The following PELO variants were observed in gnomAD, a reference collection of about 807,000 sequenced individuals.
The protein encoded by PELO is pelota mRNA surveillance and ribosome rescue factor, also known as protein pelota homolog.
In PELO, 19 loss-of-function variants were observed where a neutral mutation model predicts 25.9. The ratio of observed to expected loss-of-function variants is 0.73; its 90% CI spans 0.51 to 1.08. The LOEUF (loss-of-function observed/expected upper bound fraction) is 1.08, where lower values mean the gene tolerates loss of function less well. Among genes scored for constraint, PELO ranks in the 50% least tolerant of loss-of-function variants. PELO has a pLI of 0.00. For synonymous variants in PELO, 196 were observed against 192.2 expected (o/e 1.02, Z -0.16); for missense variants, 498 against 491.4 (o/e 1.01, Z -0.13).
chr5:52,800,904 A>G lies in PELO; in HGVS notation c.510A>G (p.Lys170=). Residue 170 remains lysine, a synonymous_variant, in exon 2 of 3, where the codon AAA becomes AAG. Transcript: ENST00000274311. The part of the protein sequence containing the change: ...RAKVEVNIPR[K]RKGNCSQHDR... ...AGGTGGAGGTGAACATCCCTAGGAA[A>G]AGGAAAGGCAATTGCTCTCAGCATG... 1 of 1,613,890 alleles carries G rather than the reference A, an allele frequency of 6.2e-7. No homozygotes were observed. The highest frequency in any genetic ancestry group is 8.5e-7 in the Non-Finnish European group (1 of 1,179,858).
At chr5:52,794,163 A>G (rs977466124) in intron 1 of PELO, among the ~76,000 whole-genome samples, 2 of 152,012 alleles carry the variant, frequency 1.3e-5, no homozygotes, top group African/African-American at 4.8e-5. Flanking sequence ...TAATTCAAAT[A>G]TGCAAAGGAG....
chr5:52,795,706 C>G (rs935155577), intron 1 of PELO, among the ~76,000 whole-genome samples: 5 of 151,866 alleles, frequency 3.3e-5, no homozygotes, highest in Admixed American at 6.6e-5. Context: ...CTTGTTTTGT[C>G]TGATCCAGTT....
chr5:52,792,437 G>A (rs115018790), intron 1 of PELO, among the ~76,000 whole-genome samples: 4,415 of 152,280 alleles, frequency 0.029, 76 homozygotes, highest in Non-Finnish European at 0.037. Flanking sequence ...TTAGTAAACA[G>A]GCAATGAGAG....
chr5:52,801,375 T>C, intron 2 of PELO, 34 bp from the exon 3 acceptor site: 1 of 1,551,972 alleles, frequency 6.4e-7, no homozygotes, highest in Non-Finnish European at 8.8e-7. Flanking sequence ...TTCTAGGAGA[T>C]TATTTTGCCT....
chr5:52,797,234 A>T (rs1170404864), intron 1 of PELO, among the ~76,000 whole-genome samples: 1 of 152,074 alleles, frequency 6.6e-6, no homozygotes, highest in Non-Finnish European at 1.5e-5. Flanking sequence ...CAGTAATTCT[A>T]TGAAAGATTT....
At position 52,802,884 on chromosome 5, in the gene PELO, A is replaced by G. The variant is rs1243265909; in HGVS notation, c.*1044A>G. ...TACTATCATTGACTTAAACTCTGAT[A>G]CTCTTTACTATAATTATGGAATTGT... On this transcript the variant is annotated 3_prime_UTR_variant, in exon 3 of 3. Transcript: ENST00000274311. 6.6e-6 allele frequency: 1 copy of G among 152,042 alleles called. No homozygotes were observed. The highest frequency in any genetic ancestry group is 1.5e-5 in the Non-Finnish European group (1 of 68,012). The allele number at this position is 152,042 out of a possible 1,614,324, so 9.4% of individuals were successfully genotyped here.
chr5:52,796,747 A>G (rs749389175), intron 1 of PELO, among the ~76,000 whole-genome samples: 56 of 152,120 alleles, frequency 3.7e-4, no homozygotes, highest in Non-Finnish European at 6.8e-4. Flanking sequence ...GAGTATAAAG[A>G]TAAATCCTTC....
intron 1 of PELO, among the ~76,000 whole-genome samples, chr5:52,797,189 A>G (rs1360166875): frequency 6.6e-6 from 1 of 152,120 alleles, no homozygotes; most frequent in Non-Finnish European, 1.5e-5. Flanking sequence ...AGGAAAAAAA[A>G]AAGTTCCCAA....
chr5:52,799,217 T>C (rs1748404522), intron 1 of PELO, among the ~76,000 whole-genome samples: 1 of 152,192 alleles, frequency 6.6e-6, no homozygotes, highest in Admixed American at 6.5e-5. Context: ...AAAGAGGCAA[T>C]CCCACTTCTC....
intron 1 of PELO, among the ~76,000 whole-genome samples, chr5:52,797,931 C>T (rs1748376825): frequency 1.3e-5 from 2 of 152,170 alleles, no homozygotes; most frequent in Non-Finnish European, 2.9e-5. Context: ...GATTCTGTGG[C>T]TTTTAATCTT....
rs1299682068 is a variant in PELO at position 52,801,707 on chromosome 5, C to G, written c.1025C>G (p.Thr342Ser). ...LVDSVKENAG[T>S]VRIFSSLHVS... Reference sequence around the variant, plus strand: ...GACAGTGTGAAAGAGAATGCAGGCACCGTTAGGATATTCTCTAGTCTTCAC... The same window carrying G: ...GACAGTGTGAAAGAGAATGCAGGCAGCGTTAGGATATTCTCTAGTCTTCAC... Residue 342 changes from threonine (T) to serine (S), a missense_variant, in exon 3 of 3, where the codon ACC (threonine) becomes AGC (serine). Transcript: ENST00000274311. The G allele has an allele frequency of 6.2e-7, 1 of 1,614,116 alleles. No individual in the cohort carries two copies. The highest frequency in any genetic ancestry group is 1.7e-5 in the Admixed American group (1 of 60,016).
Position 52,802,053 on chromosome 5 carries a change from G to C in PELO, c.*213G>C. 2.1e-6 allele frequency: 1 copy of C among 471,626 alleles called. No homozygotes were observed. Among genetic ancestry groups the C allele is most frequent in the Non-Finnish European group, 3.8e-6 (1 of 265,556 alleles). The allele number at this position is 471,626 out of a possible 1,614,324, so 29.2% of individuals were successfully genotyped here. A position where few individuals can be genotyped will look rare whatever the true frequency, so the allele number is the denominator to read the frequency against. ...AATAATCTCCACGTACTACCATCTT[G>C]ATTAAATTGTGTAATTTTTTATAGG... On this transcript the variant is annotated 3_prime_UTR_variant, in exon 3 of 3. Coordinates refer to ENST00000274311, the MANE Select transcript of PELO (RefSeq NM_015946.5).
At position 52,801,726 on chromosome 5, in the gene PELO, T is replaced by G; in HGVS notation, c.1044T>G (p.Ser348Arg). ...ENAGTVRIFS[S>R]LHVSGEQLSQ... Reference sequence around the variant, plus strand: ...CAGGCACCGTTAGGATATTCTCTAGTCTTCACGTTTCTGGGGAACAGCTCA... The same window carrying G: ...CAGGCACCGTTAGGATATTCTCTAGGCTTCACGTTTCTGGGGAACAGCTCA... The change falls in exon 3 of 3, where the codon AGT (serine) becomes AGG (arginine). Residue 348 changes from serine to arginine, a missense_variant. Ser to Arg is a moderately radical substitution (Grantham distance 110). Coordinates refer to ENST00000274311, the MANE Select transcript of PELO (RefSeq NM_015946.5). 6.2e-7 allele frequency: 1 copy of G among 1,614,056 alleles called. No individual in the cohort carries two copies. The highest frequency in any genetic ancestry group is 8.5e-7 in the Non-Finnish European group (1 of 1,179,918).
At chr5:52,788,669 G>A (rs1002941302) in intron 1 of PELO, among the ~76,000 whole-genome samples, 1 of 152,158 alleles carries the variant, frequency 6.6e-6, no homozygotes, top group African/African-American at 2.4e-5. Flanking sequence ...AACCTTAGAA[G>A]GTAGAATTCA....
intron 1 of PELO, among the ~76,000 whole-genome samples, chr5:52,794,997 C>T (rs1315947121): frequency 6.6e-6 from 1 of 151,916 alleles, no homozygotes; most frequent in African/African-American, 2.4e-5. Context: ...ACGGCTATCT[C>T]AAATATTGAA....
At chr5:52,801,326 G>A in intron 2 of PELO, 83 bp from the exon 3 acceptor site, 3 of 1,245,138 alleles carry the variant, frequency 2.4e-6, no homozygotes, top group Non-Finnish European at 3.4e-6. Flanking sequence ...CCTTACTAGC[G>A]CTTTTGGCTT....
chr5:52,788,062 T>C lies in PELO; in HGVS notation c.-863T>C, dbSNP rs1748156873. Reference sequence around the variant, plus strand: ...CCGCGAAGCTGGCTTTATTTGTCCATGTCTCGGACAGAGCCTGGGAAGCTG... The same window carrying C: ...CCGCGAAGCTGGCTTTATTTGTCCACGTCTCGGACAGAGCCTGGGAAGCTG... On this transcript the variant is annotated 5_prime_UTR_variant, in exon 1 of 3. The change abolishes an upstream ATG in the 5' untranslated region. Transcript: ENST00000274311. The C allele has an allele frequency of 2.7e-6, 1 of 373,334 alleles. No individual in the cohort carries two copies. The highest frequency in any genetic ancestry group is 4.8e-6 in the Non-Finnish European group (1 of 208,050). 23.1% of individuals were successfully genotyped at this position (373,334 alleles called of 1,614,324 possible).
chr5:52,800,295 C>T lies in PELO; in HGVS notation c.-100C>T, dbSNP rs1412307784. On this transcript the variant is annotated 5_prime_UTR_variant, in exon 2 of 3. Transcript: ENST00000274311. ...AGGCAAGTGCCCTTAGAAACCGGGCCCCGCCCCCTTCCTGGCCTGCATTCC... is the reference window on the plus strand; with the variant it reads ...AGGCAAGTGCCCTTAGAAACCGGGCTCCGCCCCCTTCCTGGCCTGCATTCC... 1 of 1,358,392 alleles carries T rather than the reference C, an allele frequency of 7.4e-7. No individual in the cohort carries two copies. The highest frequency in any genetic ancestry group is 2.0e-5 in the Admixed American group (1 of 50,466). The allele number at this position is 1,358,392 out of a possible 1,614,324, so 84.1% of individuals were successfully genotyped here. A position where few individuals can be genotyped will look rare whatever the true frequency, so the allele number is the denominator to read the frequency against.
Position 52,801,059 on chromosome 5 carries a change from T to C in PELO, c.665T>C (p.Phe222Ser), listed in dbSNP as rs1170799384. 2 of 1,613,382 alleles carry C rather than the reference T, an allele frequency of 1.2e-6. No homozygotes were observed. Among genetic ancestry groups the C allele is most frequent in the Admixed American group, 3.3e-5 (2 of 59,878 alleles). The change falls in exon 2 of 3, where the codon TTT (phenylalanine) becomes TCT (serine). Residue 222 changes from phenylalanine (F) to serine (S), a missense_variant. Phe to Ser is a radical substitution (Grantham distance 155). Coordinates refer to ENST00000274311, the MANE Select transcript of PELO (RefSeq NM_015946.5). ...FVREQFCDYL[F>S]QQAVKTDNKL... ...AGGGAGCAGTTCTGCGACTACCTGTTTCAACAAGCAGTGAAGACCGACAAC... is the reference window on the plus strand; with the variant it reads ...AGGGAGCAGTTCTGCGACTACCTGTCTCAACAAGCAGTGAAGACCGACAAC...
Sources: allele counts gnomAD v4.1 joint callset (sites outside exome capture counted in the v4.1 genomes callset), GRCh38; gene constraint gnomAD v4.1.1; transcripts MANE v1.5; gene names NCBI Gene and HGNC (gene_info 2026-07-23, HGNC 2026-07-21).